The following CIBAR2 variants were observed in gnomAD, a reference collection of about 807,000 sequenced individuals.
CIBAR2 encodes CBY1-interacting BAR domain-containing protein 2.
In CIBAR2, 38 loss-of-function variants were observed where a neutral mutation model predicts 36.2. The observed-to-expected ratio is 1.05, with a 90% CI of 0.81 to 1.38. The LOEUF is 1.38. CIBAR2 is among the 40% of genes most tolerant of loss of function. CIBAR2 has a pLI of 0.00. For missense variants in CIBAR2, 481 were observed against 383.4 expected (o/e 1.25, Z -2.13); for synonymous variants, 182 against 149.5 (o/e 1.22, Z -1.58).
intron 2 of CIBAR2, among the ~76,000 whole-genome samples, chr16:85,110,018 T>C (rs775614529): frequency 2.2e-4 from 34 of 152,144 alleles, no homozygotes; most frequent in Admixed American, 6.5e-4. Flanking sequence ...TGACCCTTCA[T>C]CCGACTCAGC....
chr16:85,110,359 C>T lies in CIBAR2; in HGVS notation c.122G>A (p.Arg41Gln), dbSNP rs748006465. 4.3e-6 allele frequency: 7 copies of T among 1,613,406 alleles called. No individual in the cohort carries two copies. Among genetic ancestry groups the T allele is most frequent in the African/African-American group, 1.3e-5 (1 of 74,922 alleles). ...CAGCTGGTCCGCCTTGTCCCGCAGC[C>T]GGGCCGTCTTGCGCGTGTAGGCGGC... ...LLAAYTRKTA[R>Q]LRDKADQLVK... Residue 41 changes from arginine to glutamine, a missense_variant, in exon 2 of 9, where the codon CGG (arginine) becomes CAG (glutamine). Transcript: ENST00000539556.
chr16:85,109,852 A>G (rs2074026608), intron 2 of CIBAR2, among the ~76,000 whole-genome samples: 1 of 151,942 alleles, frequency 6.6e-6, no homozygotes, highest in Admixed American at 6.6e-5. Flanking sequence ...AGGAATTTCT[A>G]TTTTTAATTA....
chr16:85,105,833 T>G (rs1441263578), intron 5 of CIBAR2, among the ~76,000 whole-genome samples: 2 of 152,220 alleles, frequency 1.3e-5, no homozygotes, highest in African/African-American at 4.8e-5. Context: ...ATTTAGGTAA[T>G]TAACTCTTTC....
At chr16:85,107,385 T>C (rs969160754) in intron 5 of CIBAR2, among the ~76,000 whole-genome samples, 4 of 152,012 alleles carry the variant, frequency 2.6e-5, no homozygotes, top group African/African-American at 7.3e-5. Context: ...CTGTAGACGA[T>C]GGGGATGAGG....
intron 5 of CIBAR2, among the ~76,000 whole-genome samples, chr16:85,107,068 C>G (rs1006652009): frequency 6.6e-6 from 1 of 152,080 alleles, no homozygotes; most frequent in African/African-American, 2.4e-5. Context: ...ATCGCTTGAA[C>G]CCTGGAGGCG....
Position 85,110,460 on chromosome 16 carries a change from C to T in CIBAR2, c.21G>A (p.Arg7=). The T allele has an allele frequency of 6.3e-7, 1 of 1,586,342 alleles. No homozygotes were observed. Among genetic ancestry groups the T allele is most frequent in the South Asian group, 1.1e-5 (1 of 89,448 alleles). Residue 7 remains arginine, a splice_region_variant and synonymous_variant, in exon 2 of 9, where the codon AGG becomes AGA. Coordinates refer to ENST00000539556, the MANE Select transcript of CIBAR2 (RefSeq NM_198491.3). ...TCTCCATCACCCTCACCTGGCTGTC[C>T]CTGTGGAGGCGGGGACCTGAGCAGC... is the stretch of plus-strand genomic sequence containing the variant. MNIVFS[R]DSQVRVMENT...
chr16:85,107,258 G>A (rs984986789), intron 5 of CIBAR2, among the ~76,000 whole-genome samples: 3 of 152,044 alleles, frequency 2.0e-5, no homozygotes, highest in South Asian at 2.1e-4. Flanking sequence ...TCTACCTCCC[G>A]GCCCCTGCAT....
In CIBAR2 at chr16:85,112,414, C is replaced by A; in HGVS notation, c.-62G>T. On this transcript the variant is annotated 5_prime_UTR_variant, in exon 1 of 9. Coordinates refer to ENST00000539556, the MANE Select transcript of CIBAR2 (RefSeq NM_198491.3). ...TAAGGACAGGGCCCCAGGGGTCCTG[C>A]AGGCCTGGGAGGAGCCGGGCAGGGC... is the stretch of plus-strand genomic sequence containing the variant. 6.5e-7 allele frequency: 1 copy of A among 1,542,692 alleles called. No homozygotes were observed. The highest frequency in any genetic ancestry group is 2.2e-5 in the East Asian group (1 of 44,650).
intron 2 of CIBAR2, 36 bp downstream of exon 2, chr16:85,110,190 C>T (rs924219836): frequency 7.4e-6 from 11 of 1,484,576 alleles, no homozygotes; most frequent in Non-Finnish European, 1.0e-5. Context: ...GCCTGGGTAC[C>T]CCTCAGCATC....
rs1484481341 is a variant in CIBAR2, at chr16:85,100,143, C to T, written c.749G>A (p.Ser250Asn). The part of the protein sequence containing the change: ...PPPSVLQSLA[S>N]QGTLQVQLSR... ...CTCACCCACCCACACGCTCACCTGG[C>T]TGGCGAGAGACTGAAGAACAGATGG... is the stretch of plus-strand genomic sequence containing the variant. The change falls in exon 8 of 9, where the codon AGC becomes AAC. Residue 250 changes from serine to asparagine, a missense_variant. By Grantham distance (46) the Ser-to-Asn change is conservative. Transcript: ENST00000539556. The T allele has an allele frequency of 3.7e-6, 6 of 1,609,202 alleles. No homozygotes were observed. Among genetic ancestry groups the T allele is most frequent in the Non-Finnish European group, 5.1e-6 (6 of 1,177,914 alleles).
intron 5 of CIBAR2, 130 bp downstream of exon 5, chr16:85,107,537 T>G: frequency 9.8e-7 from 1 of 1,016,398 alleles, no homozygotes; most frequent in Non-Finnish European, 1.6e-6. Context: ...TACCTTTGGC[T>G]TTCCCAACCT....
chr16:85,099,810 T>C (rs1348355243), intron 8 of CIBAR2, among the ~76,000 whole-genome samples: 1 of 147,994 alleles, frequency 6.8e-6, no homozygotes, highest in Non-Finnish European at 1.5e-5. Context: ...TTTTTTTTTT[T>C]TTTTTTTTTT....
rs774333426 is a variant in CIBAR2 at position 85,112,288 on chromosome 16, C to T, written c.20+45G>A. 13 of 1,608,380 alleles carry T rather than the reference C, an allele frequency of 8.1e-6. No individual in the cohort carries two copies. In the East Asian group the frequency reaches 1.1e-4, roughly 14 times the overall value. ...TGTTGGTGCCCCGGGCCTCAAAACC[C>T]GACTTCCACCTCCCTCACAGCCAGG... is the stretch of plus-strand genomic sequence containing the variant. On this transcript the variant is annotated intron_variant, in intron 1 of 8. Transcript: ENST00000539556.
chr16:85,100,367 CCT>C, intron 7 of CIBAR2, 127 bp from the exon 8 acceptor site: 1 of 600,348 alleles, frequency 1.7e-6, no homozygotes, highest in African/African-American at 1.9e-5. Flanking sequence ...ACTCCACGGT[CCT>C]CTCCAGGAGC....
At chr16:85,103,687 T>G (rs1351810714) in intron 6 of CIBAR2, among the ~76,000 whole-genome samples, 3 of 152,210 alleles carry the variant, frequency 2.0e-5, no homozygotes, top group African/African-American at 7.2e-5. Context: ...TCACTGACGC[T>G]TCATTCCCTT....
At chr16:85,103,058 C>T (rs1343801433) in intron 6 of CIBAR2, among the ~76,000 whole-genome samples, 2 of 152,088 alleles carry the variant, frequency 1.3e-5, no homozygotes, top group South Asian at 2.1e-4. Flanking sequence ...TGTGCCACCA[C>T]GCCTGGCTAA....
At chr16:85,102,450 G>A in intron 6 of CIBAR2, 123 bp from the exon 7 acceptor site, 2 of 654,206 alleles carry the variant, frequency 3.1e-6, no homozygotes, top group Non-Finnish European at 5.5e-6. Context: ...GGCCCCAGGT[G>A]GGGAGTTTCG....
Position 85,107,903 on chromosome 16 carries a change from T to G in CIBAR2, c.369A>C (p.Lys123Asn). ...KFKHVQNHEI[K>N]QLEKLEKLRQ... is the part of the protein sequence containing the mutation. Reference sequence around the variant, plus strand: ...TCAGTTTCTCCAGTTTTTCCAGTTGTTTGATCTCATGATTTTGGACATGTT... The same window carrying G: ...TCAGTTTCTCCAGTTTTTCCAGTTGGTTGATCTCATGATTTTGGACATGTT... Residue 123 changes from lysine to asparagine, a missense_variant, in exon 4 of 9, where the codon AAA (lysine) becomes AAC (asparagine). Lys to Asn is a moderately conservative substitution (Grantham distance 94). Coordinates refer to ENST00000539556, the MANE Select transcript of CIBAR2 (RefSeq NM_198491.3). 1 of 1,614,186 alleles carries G rather than the reference T, an allele frequency of 6.2e-7. No individual in the cohort carries two copies. The highest frequency in any genetic ancestry group is 8.5e-7 in the Non-Finnish European group (1 of 1,180,012).
chr16:85,104,021 AG>A (rs141173376), intron 6 of CIBAR2, among the ~76,000 whole-genome samples: 2 of 152,360 alleles, frequency 1.3e-5, no homozygotes, highest in East Asian at 3.9e-4. Flanking sequence ...CCTGGCACGC[AG>A]TAGGTGTGCA....
Sources: gnomAD v4.1 joint callset for allele counts (sites outside exome capture counted in the v4.1 genomes callset) on GRCh38, gnomAD v4.1.1 for gene constraint, MANE v1.5 for transcripts, NCBI Gene and HGNC (gene_info 2026-07-23, HGNC 2026-07-21) for gene names.